The following TPD52 variants were observed in gnomAD, a reference collection of about 807,000 sequenced individuals.
TPD52 encodes tumor protein D52.
A neutral mutation model predicts 31.3 loss-of-function variants in TPD52; 17 were observed. That is an observed-to-expected ratio of 0.54 (90% confidence interval 0.37 to 0.82). The LOEUF (loss-of-function observed/expected upper bound fraction) is 0.82, where lower values mean the gene tolerates loss of function less well. Ranked by LOEUF, TPD52 falls within the 40% of genes least tolerant of loss-of-function variation. TPD52 has a pLI of 0.00. For missense variants in TPD52, 212 were observed against 240.1 expected (o/e 0.88, Z 0.77); for synonymous variants, 83 against 89.6 (o/e 0.93, Z 0.42).
At chr8:80,162,804 G>GT (rs1811445890) in intron 1 of TPD52, among the ~76,000 whole-genome samples, 1 of 151,028 alleles carries the variant, frequency 6.6e-6, no homozygotes, top group Non-Finnish European at 1.5e-5. Flanking sequence ...GGCTCAACCT[G>GT]TAAGTCCAGC....
intron 2 of TPD52, among the ~76,000 whole-genome samples, chr8:80,060,474 A>T (rs1282679082): frequency 6.6e-6 from 1 of 152,152 alleles, no homozygotes; most frequent in African/African-American, 2.4e-5. Context: ...TCTTCTAAAA[A>T]ACCAGAAGAT....
intron 2 of TPD52, among the ~76,000 whole-genome samples, chr8:80,054,236 T>C (rs563014433): frequency 1.3e-5 from 2 of 152,214 alleles, no homozygotes; most frequent in South Asian, 4.1e-4. Flanking sequence ...TGAAGAAGCC[T>C]TGAGGTATAG....
At chr8:80,150,542 G>A (rs937566836) in intron 1 of TPD52, among the ~76,000 whole-genome samples, 1 of 152,226 alleles carries the variant, frequency 6.6e-6, no homozygotes, top group Non-Finnish European at 1.5e-5. Flanking sequence ...CGTGAAAGCA[G>A]CTGGGAGGGA....
chr8:80,090,980 GTTCTTCACACAGTGT>G lies in TPD52; in HGVS notation c.20-26402_20-26388del, dbSNP rs767758311. ...TCAGCAGCCAGGACAGAAGGTTTTTGTTCTTCACACAGTGTTTCCTTCAAATACTGAAGAGCAAGA... is the reference window on the plus strand; with the variant it reads ...TCAGCAGCCAGGACAGAAGGTTTTTGTTCCTTCAAATACTGAAGAGCAAGA... On this transcript the variant is annotated intron_variant, in intron 1 of 7. Coordinates refer to ENST00000518937, the MANE Select transcript of TPD52 (RefSeq NM_001025253.3). 4.4e-4 allele frequency among the ~76,000 whole-genome samples: 67 copies of G among 152,308 alleles called. 1 individual carries two copies. In the Middle Eastern group the frequency reaches 0.024, roughly 54 times the overall value.
At chr8:80,092,126 C>T (rs1586281095) in intron 1 of TPD52, among the ~76,000 whole-genome samples, 1 of 152,238 alleles carries the variant, frequency 6.6e-6, no homozygotes, top group Admixed American at 6.5e-5. Flanking sequence ...GGGTTTGGGG[C>T]ATCTATCACC....
intron 2 of TPD52, among the ~76,000 whole-genome samples, chr8:80,059,802 C>T (rs1259933362): frequency 9.2e-5 from 14 of 152,076 alleles, no homozygotes; most frequent in Admixed American, 2.6e-4. Context: ...TGCAGTGAGA[C>T]GAGATCGCAC....
intron 1 of TPD52, chr8:80,080,776 AG>A (rs1815185361): frequency 9.6e-7 from 1 of 1,039,536 alleles, no homozygotes. Context: ...AAAGAAGGGC[AG>A]GGTTCTGCAA....
At chr8:80,044,922 A>T (rs945879532) in intron 5 of TPD52, among the ~76,000 whole-genome samples, 5 of 152,174 alleles carry the variant, frequency 3.3e-5, no homozygotes, top group African/African-American at 1.2e-4. Context: ...TGCGCTTATG[A>T]TTTCCTTTTC....
At chr8:80,138,854 A>G (rs755081609) in intron 1 of TPD52, among the ~76,000 whole-genome samples, 1 of 152,212 alleles carries the variant, frequency 6.6e-6, no homozygotes, top group Non-Finnish European at 1.5e-5. Flanking sequence ...TACAAGGCCA[A>G]GGTAACCAAA....
intron 1 of TPD52, among the ~76,000 whole-genome samples, chr8:80,065,517 C>T (rs1813042695): frequency 1.3e-5 from 2 of 152,026 alleles, no homozygotes; most frequent in South Asian, 4.1e-4. Flanking sequence ...CTGCCCAACC[C>T]TCACCCACAG....
downstream of TPD52, among the ~76,000 whole-genome samples, chr8:80,032,234 G>T (rs141201261): frequency 1.7e-4 from 26 of 152,034 alleles, no homozygotes; most frequent in African/African-American, 5.1e-4. Context: ...TTTGGTAGAG[G>T]ATCAGAAGCA....
chr8:80,119,741 T>C (rs1040430558), intron 1 of TPD52: 2 of 292,656 alleles, frequency 6.8e-6, no homozygotes, highest in Non-Finnish European at 1.3e-5. Flanking sequence ...GGCATAAGAA[T>C]AAACAAAACA....
chr8:80,134,098 T>C (rs1809220428), intron 1 of TPD52, among the ~76,000 whole-genome samples: 1 of 152,226 alleles, frequency 6.6e-6, no homozygotes, highest in South Asian at 2.1e-4. Flanking sequence ...GGAGCAGTAG[T>C]TATTTCATTT....
At chr8:80,105,790 G>A (rs924145932) in intron 1 of TPD52, among the ~76,000 whole-genome samples, 4 of 149,290 alleles carry the variant, frequency 2.7e-5, no homozygotes, top group African/African-American at 4.9e-5. Flanking sequence ...GGAGTGCAGC[G>A]GTGCAATCTT....
chr8:80,078,373 T>C (rs748905640), intron 1 of TPD52, among the ~76,000 whole-genome samples: 3 of 152,268 alleles, frequency 2.0e-5, no homozygotes, highest in Non-Finnish European at 4.4e-5. Flanking sequence ...AAATACATAG[T>C]GGCCAAAAGC....
Position 80,041,085 on chromosome 8 carries a change from C to T in TPD52, c.504+1535G>A, listed in dbSNP as rs551527855. On this transcript the variant is annotated intron_variant, in intron 7 of 7. Coordinates refer to ENST00000518937, the MANE Select transcript of TPD52 (RefSeq NM_001025253.3). ...TACAAACAGAAAAGGTATGTACTAA[C>T]GTTTGTATGTTCAAGAAAAAAAACG... Among the ~76,000 whole-genome samples the T allele has an allele frequency of 2.3e-4, 35 of 152,184 alleles. No individual in the cohort carries two copies. The South Asian group carries it at 6.8e-3, about 30-fold the overall frequency.
At chr8:80,077,335 TA>T (rs1814695858) in intron 1 of TPD52, among the ~76,000 whole-genome samples, 1 of 151,748 alleles carries the variant, frequency 6.6e-6, no homozygotes, top group African/African-American at 2.4e-5. Context: ...ACATTTGGGA[TA>T]TTATCCTTAA....
rs57456374 is a variant in TPD52, at chr8:80,152,780, C to CAAAAAAAAAAAAA, written c.19+18632_19+18644dup. 6.8e-3 allele frequency among the ~76,000 whole-genome samples: 567 copies of CAAAAAAAAAAAAA among 83,392 alleles called. 42 individuals are homozygous for CAAAAAAAAAAAAA. The highest frequency in any genetic ancestry group is 0.018 in the African/African-American group (350 of 19,378). 54.7% of individuals were successfully genotyped at this position (83,392 alleles called of 152,430 possible). ...TGGGCGAAAGTGTGAGACTCCGTCT[C>CAAAAAAAAAAAAA]AAAAAAAAAAAAAAAAAATGCCAGG... is the stretch of plus-strand genomic sequence containing the variant. On this transcript the variant is annotated intron_variant, in intron 1 of 7. Coordinates refer to ENST00000518937, the MANE Select transcript of TPD52 (RefSeq NM_001025253.3).
At chr8:80,078,452 C>T (rs770572230) in intron 1 of TPD52, among the ~76,000 whole-genome samples, 1 of 152,192 alleles carries the variant, frequency 6.6e-6, no homozygotes, top group Non-Finnish European at 1.5e-5. Context: ...ACAAAGAGTG[C>T]AAACACACGG....
Sources: gnomAD v4.1 joint callset for allele counts (sites outside exome capture counted in the v4.1 genomes callset) on GRCh38, gnomAD v4.1.1 for gene constraint, MANE v1.5 for transcripts, NCBI Gene and HGNC (gene_info 2026-07-23, HGNC 2026-07-21) for gene names.